Variants in MYOM3 observed in about 807,000 individuals in gnomAD.
MYOM3 encodes myomesin-3.
MYOM3 carries 155 observed loss-of-function variants against 191.7 expected under a neutral mutation model. The ratio of observed to expected loss-of-function variants is 0.81; its 90% confidence interval spans 0.71 to 0.92. The LOEUF (loss-of-function observed/expected upper bound fraction) is 0.92, where lower values mean the gene tolerates loss of function less well. Ranked by LOEUF, MYOM3 falls within the 40% of genes least tolerant of loss-of-function variation. The pLI, the probability that MYOM3 is intolerant of heterozygous loss-of-function variation, is 0.00. For missense variants in MYOM3, 1,889 were observed against 1,890.6 expected (o/e 1.00, Z 0.02); for synonymous variants, 757 against 762.9 (o/e 0.99, Z 0.13).
chr1:24,069,863 G>A (rs1570858371), intron 25 of MYOM3, among the ~76,000 whole-genome samples: 1 of 152,022 alleles, frequency 6.6e-6, no homozygotes. Context: ...CGCCTGCCTC[G>A]GCCTCCCAAT....
rs190908080 is a variant in MYOM3, at chr1:24,090,074, C to T, written c.1477G>A (p.Ala493Thr). 293 of 1,614,072 alleles carry T rather than the reference C, an allele frequency of 1.8e-4. 2 individuals carry two copies. The highest frequency in any genetic ancestry group is 1.6e-3 in the Admixed American group (95 of 60,020). Residue 493 changes from alanine to threonine, a missense_variant, in exon 13 of 37, where the codon GCT (alanine) becomes ACT (threonine). Transcript: ENST00000374434. ...GGAGGATCCCGCGTACCTTCAAAAG[C>T]GTCTGTGCTGATGGTGATCTTGTTT... ...LGNKITISTD[A>T]FEDTVTIPSP...
At chr1:24,060,401 C>A (rs760147800) in intron 35 of MYOM3, among the ~76,000 whole-genome samples, 38 of 152,368 alleles carry the variant, frequency 2.5e-4, no homozygotes, top group Non-Finnish European at 4.6e-4. Flanking sequence ...CCACACATGG[C>A]CTCAAGCTGG....
intron 7 of MYOM3, among the ~76,000 whole-genome samples, chr1:24,097,317 G>T (rs1244135656): frequency 1.3e-5 from 2 of 152,182 alleles, no homozygotes; most frequent in African/African-American, 4.8e-5. Flanking sequence ...GGCATGGCGG[G>T]CAGGTGGGTT....
At position 24,062,006 on chromosome 1, in the gene MYOM3, T is replaced by G; in HGVS notation, c.3874A>C (p.Thr1292Pro). Residue 1292 changes from threonine (T) to proline (P), a missense_variant, in exon 33 of 37, where the codon ACT becomes CCT. Transcript: ENST00000374434. ...TCCTTCCCTGCAGCTATTTCCAGAG[T>G]GTATTTGCCCTTGTCTGAGTCTTTG... The part of the protein sequence containing the change: ...DPKDSDKGKY[T>P]LEIAAGKEVR... 5 of 1,614,060 alleles carry G rather than the reference T, an allele frequency of 3.1e-6. No individual in the cohort carries two copies. The highest frequency in any genetic ancestry group is 4.2e-6 in the Non-Finnish European group (5 of 1,180,012).
intron 5 of MYOM3, among the ~76,000 whole-genome samples, chr1:24,101,496 C>T (rs1159483041): frequency 6.6e-6 from 1 of 152,158 alleles, no homozygotes; most frequent in African/African-American, 2.4e-5. Flanking sequence ...CCTGTAATCC[C>T]AACACTTTGG....
chr1:24,077,826 C>A (rs1423018370), intron 20 of MYOM3, among the ~76,000 whole-genome samples: 1 of 152,210 alleles, frequency 6.6e-6, no homozygotes, highest in East Asian at 1.9e-4. Flanking sequence ...CCCGCCCTGG[C>A]CTGGGCCAAC....
chr1:24,071,527 T>C (rs572872031), intron 24 of MYOM3, among the ~76,000 whole-genome samples: 1 of 152,302 alleles, frequency 6.6e-6, no homozygotes, highest in South Asian at 2.1e-4. Context: ...TCAAAAACCC[T>C]AGCATCTGGG....
At chr1:24,108,394 G>A in intron 2 of MYOM3, 82 bp downstream of exon 2, 1 of 1,387,014 alleles carries the variant, frequency 7.2e-7, no homozygotes, top group Non-Finnish European at 9.5e-7. Flanking sequence ...GGAGCCTCCA[G>A]AGGGCTAGGC....
At chr1:24,064,504 G>T (rs1394051567) in intron 29 of MYOM3, among the ~76,000 whole-genome samples, 1 of 152,188 alleles carries the variant, frequency 6.6e-6, no homozygotes, top group African/African-American at 2.4e-5. Context: ...GAGCTTGTCT[G>T]GGCCTGGCCC....
intron 19 of MYOM3, 69 bp downstream of exon 19, chr1:24,081,261 C>A (rs1643664233): frequency 6.3e-7 from 1 of 1,592,110 alleles, no homozygotes; most frequent in Admixed American, 1.7e-5. Flanking sequence ...CGGCAACCTT[C>A]ATCTCATTGG....
In MYOM3 at chr1:24,059,618, TCAA is replaced by T. The variant is rs1392423287; in HGVS notation, c.3995-642_3995-640del. 1.4e-4 allele frequency among the ~76,000 whole-genome samples: 22 copies of T among 152,278 alleles called. 1 individual carries two copies. In the East Asian group the frequency reaches 4.1e-3, roughly 28 times the overall value. On this transcript the variant is annotated intron_variant, in intron 35 of 36. Transcript: ENST00000374434. ...AGAAGGTAAGTGGGACTCTGAGACTTCAACTGGCAAAATCCACACAACGGGTGT... is the reference window on the plus strand; with the variant it reads ...AGAAGGTAAGTGGGACTCTGAGACTTCTGGCAAAATCCACACAACGGGTGT...
In MYOM3 at chr1:24,065,715, A is replaced by G. The variant is rs576003587; in HGVS notation, c.3534+176T>C. 3.2e-3 allele frequency: 2,085 copies of G among 656,846 alleles called. 11 individuals are homozygous for G. Among genetic ancestry groups the G allele is most frequent in the Non-Finnish European group, 3.6e-3 (1,290 of 362,394 alleles). 40.7% of individuals were successfully genotyped at this position (656,846 alleles called of 1,614,324 possible). On this transcript the variant is annotated intron_variant, in intron 29 of 36. Coordinates refer to ENST00000374434, the MANE Select transcript of MYOM3 (RefSeq NM_152372.4). ...ATTTTGATTTTTTAGAATATTGCAT[A>G]CAATATTATTTATCTTGATTACTGA...
chr1:24,081,109 G>T (rs568087675), intron 19 of MYOM3, among the ~76,000 whole-genome samples: 2 of 152,360 alleles, frequency 1.3e-5, no homozygotes, highest in East Asian at 3.9e-4. Flanking sequence ...GGGATACAGG[G>T]CCAGTTGATG....
chr1:24,070,418 C>CA (rs58259293), intron 25 of MYOM3, among the ~76,000 whole-genome samples: 2,423 of 136,410 alleles, frequency 0.018, 26 homozygotes, highest in East Asian at 0.045. Context: ...CCTGTCTCTA[C>CA]AAAAAAAAAA....
intron 20 of MYOM3, among the ~76,000 whole-genome samples, chr1:24,078,161 AGG>A (rs1403760494): frequency 6.7e-6 from 1 of 150,028 alleles, no homozygotes; most frequent in African/African-American, 2.5e-5. Context: ...GCTCTGTGGC[AGG>A]GAGTGCAGTG....
At chr1:24,085,896 G>A (rs1643732113) in intron 15 of MYOM3, among the ~76,000 whole-genome samples, 1 of 152,156 alleles carries the variant, frequency 6.6e-6, no homozygotes, top group African/African-American at 2.4e-5. Context: ...AACAAATCTA[G>A]AACTTTGAAA....
chr1:24,079,451 G>A (rs1430626852), intron 20 of MYOM3, among the ~76,000 whole-genome samples: 1 of 151,588 alleles, frequency 6.6e-6, no homozygotes, highest in Non-Finnish European at 1.5e-5. Flanking sequence ...CTCCCACCTC[G>A]GCCTCCTCAG....
intron 25 of MYOM3, among the ~76,000 whole-genome samples, chr1:24,068,768 G>C (rs1029141673): frequency 6.6e-6 from 1 of 151,974 alleles, no homozygotes; most frequent in African/African-American, 2.4e-5. Context: ...CCATCACCCA[G>C]GCTGGAGTGC....
Position 24,107,142 on chromosome 1 carries a change from A to T in MYOM3, c.333T>A (p.Thr111=). Residue 111 remains threonine, a synonymous_variant, in exon 4 of 37, where the codon ACT becomes ACA. Coordinates refer to ENST00000374434, the MANE Select transcript of MYOM3 (RefSeq NM_152372.4). ...RVGFGNDWER[T]EIAFLQTHRL... ...GGTGGGTCTGCAGGAAGGCGATCTC[A>T]GTCCTCTCCCAGTCATTGCCGAAGC... 6.2e-7 allele frequency: 1 copy of T among 1,612,332 alleles called. No homozygotes were observed. The highest frequency in any genetic ancestry group is 1.1e-5 in the South Asian group (1 of 90,486).
Sources: gnomAD v4.1 joint callset for allele counts (sites outside exome capture counted in the v4.1 genomes callset) on GRCh38, gnomAD v4.1.1 for gene constraint, MANE v1.5 for transcripts, NCBI Gene and HGNC (gene_info 2026-07-23, HGNC 2026-07-21) for gene names.